The following UBAC2 variants were observed in gnomAD, a reference collection of about 807,000 sequenced individuals.
The protein encoded by UBAC2 is UBA domain containing 2.
UBAC2 carries 26 observed loss-of-function variants against 44.0 expected under a neutral mutation model. The ratio of observed to expected loss-of-function variants is 0.59; its 90% CI spans 0.43 to 0.82. The LOEUF is 0.82. UBAC2 is among the 40% of genes least tolerant of loss of function. The pLI, the probability that UBAC2 is intolerant of heterozygous loss-of-function variation, is 0.00. For synonymous variants in UBAC2, 155 were observed against 154.3 expected, an observed-to-expected ratio of 1.00 and a Z score of -0.04; for missense variants, 329 against 419.4, an observed-to-expected ratio of 0.78 and a Z score of 1.88.
At chr13:99,326,523 CTT>C (rs1294810853) in intron 6 of UBAC2, among the ~76,000 whole-genome samples, 3 of 152,112 alleles carry the variant, frequency 2.0e-5, no homozygotes, top group Admixed American at 6.5e-5. Context: ...AGTTTAAAAA[CTT>C]AATATTATCA....
chr13:99,367,126 C>T (rs760233130), intron 7 of UBAC2, among the ~76,000 whole-genome samples: 2 of 152,118 alleles, frequency 1.3e-5, no homozygotes, highest in African/African-American at 2.4e-5. Context: ...AAGCCAGGAA[C>T]GGCATTGCTG....
At chr13:99,219,471 C>G (rs183013678) in intron 1 of UBAC2, among the ~76,000 whole-genome samples, 8 of 152,296 alleles carry the variant, frequency 5.3e-5, no homozygotes, top group Admixed American at 5.2e-4. Flanking sequence ...AACGGAGTGC[C>G]CATTAAGCCA....
chr13:99,225,945 A>T (rs2043105767), intron 1 of UBAC2, among the ~76,000 whole-genome samples: 1 of 152,230 alleles, frequency 6.6e-6, no homozygotes, highest in South Asian at 2.1e-4. Flanking sequence ...GAGTTGATGG[A>T]TCACTATTAA....
intron 1 of UBAC2, among the ~76,000 whole-genome samples, chr13:99,228,440 C>A (rs912488075): frequency 1.2e-4 from 18 of 147,328 alleles, no homozygotes; most frequent in Admixed American, 4.6e-4. Flanking sequence ...GGCTCCCCCG[C>A]ACCCCACCAC....
intron 8 of UBAC2, among the ~76,000 whole-genome samples, chr13:99,381,374 C>G (rs2045548697): frequency 6.6e-6 from 1 of 152,222 alleles, no homozygotes; most frequent in South Asian, 2.1e-4. Context: ...TGCCAGATCT[C>G]CAAATTGCTG....
intron 1 of UBAC2, among the ~76,000 whole-genome samples, chr13:99,225,275 G>A (rs1191284813): frequency 6.6e-6 from 1 of 152,130 alleles, no homozygotes; most frequent in Non-Finnish European, 1.5e-5. Context: ...ATGAAACTCT[G>A]TATCCATTAA....
In UBAC2 at chr13:99,361,104, G is replaced by A. The variant is rs2045259453; in HGVS notation, c.808-6683G>A. Among the ~76,000 whole-genome samples, 4 of 152,108 alleles carry A rather than the reference G, an allele frequency of 2.6e-5. No homozygotes were observed. In the South Asian group the frequency reaches 8.3e-4, roughly 32 times the overall value. On this transcript the variant is annotated intron_variant, in intron 7 of 8. Coordinates refer to ENST00000403766, the MANE Select transcript of UBAC2 (RefSeq NM_001144072.2). ...CAGAAACTTTTACTGCTCCTCGGTT[G>A]GGAAACCATCATGTATGTATGTATG...
intron 7 of UBAC2, among the ~76,000 whole-genome samples, chr13:99,360,244 C>T (rs566265958): frequency 1.3e-5 from 2 of 152,160 alleles, no homozygotes; most frequent in East Asian, 1.9e-4. Context: ...GTTGGGAAGA[C>T]GAGAAACAAT....
chr13:99,300,765 C>A (rs2044246633), intron 4 of UBAC2, among the ~76,000 whole-genome samples: 1 of 152,078 alleles, frequency 6.6e-6, no homozygotes, highest in South Asian at 2.1e-4. Flanking sequence ...GTGAGGTGTT[C>A]CTCAGGATTT....
chr13:99,278,987 T>G (rs2043919246), intron 4 of UBAC2, among the ~76,000 whole-genome samples: 1 of 152,206 alleles, frequency 6.6e-6, no homozygotes, highest in Non-Finnish European at 1.5e-5. Flanking sequence ...TGTGTGAATG[T>G]TGACTTTCCT....
At chr13:99,300,036 A>G (rs9557194) in intron 4 of UBAC2, among the ~76,000 whole-genome samples, 25,282 of 152,220 alleles carry the variant, frequency 0.17, 2,381 homozygotes, top group Middle Eastern at 0.23. Context: ...AAAGTGGTCT[A>G]GGCTCTAAGG....
At chr13:99,264,905 C>G (rs1008232391) in intron 4 of UBAC2, among the ~76,000 whole-genome samples, 15 of 151,662 alleles carry the variant, frequency 9.9e-5, no homozygotes, top group African/African-American at 3.2e-4. Flanking sequence ...TGGGCCTACT[C>G]TAAATGCAAA....
intron 4 of UBAC2, among the ~76,000 whole-genome samples, chr13:99,251,506 A>G (rs920390987): frequency 1.3e-5 from 2 of 152,102 alleles, no homozygotes; most frequent in African/African-American, 4.8e-5. Flanking sequence ...TTTCTTGTCT[A>G]CTTTTTTACA....
At chr13:99,306,936 T>C (rs1360648370) in intron 4 of UBAC2, among the ~76,000 whole-genome samples, 1 of 152,204 alleles carries the variant, frequency 6.6e-6, no homozygotes, top group East Asian at 1.9e-4. Context: ...AATAATCTTA[T>C]ATTTCTAATA....
chr13:99,345,513 A>T (rs1311088595), intron 7 of UBAC2, among the ~76,000 whole-genome samples: 2 of 151,794 alleles, frequency 1.3e-5, no homozygotes, highest in African/African-American at 4.8e-5. Flanking sequence ...GTTTCCCAAG[A>T]CTCAGTTCTC....
At chr13:99,239,277 C>G (rs1280180498) in intron 2 of UBAC2, among the ~76,000 whole-genome samples, 1 of 152,168 alleles carries the variant, frequency 6.6e-6, no homozygotes, top group African/African-American at 2.4e-5. Context: ...AGTTATTTAT[C>G]CGTATTACTG....
At chr13:99,248,601 A>G (rs1350802726) in intron 4 of UBAC2, among the ~76,000 whole-genome samples, 3 of 152,054 alleles carry the variant, frequency 2.0e-5, no homozygotes, top group African/African-American at 7.2e-5. Context: ...CAGGCTGGTC[A>G]CAAACTCCTG....
At chr13:99,300,733 T>C (rs910848663) in intron 4 of UBAC2, among the ~76,000 whole-genome samples, 1 of 152,244 alleles carries the variant, frequency 6.6e-6, no homozygotes, top group African/African-American at 2.4e-5. Context: ...ATATATAGCG[T>C]TGAACATGTG....
chr13:99,215,351 A>G, intron 1 of UBAC2: 1 of 897,100 alleles, frequency 1.1e-6, no homozygotes, highest in Non-Finnish European at 1.9e-6. Context: ...GTCCTGAGAT[A>G]ACAAGGAATC....
Sources: gnomAD v4.1 joint callset for allele counts (sites outside exome capture counted in the v4.1 genomes callset) on GRCh38, gnomAD v4.1.1 for gene constraint, MANE v1.5 for transcripts, NCBI Gene and HGNC (gene_info 2026-07-23, HGNC 2026-07-21) for gene names.